HLCS: variants seen among roughly 807,000 people sequenced by gnomAD.
HLCS encodes biotin--protein ligase.
In HLCS, 53 loss-of-function variants were observed where a neutral mutation model predicts 75.0. That is an observed-to-expected ratio of 0.71 (90% confidence interval 0.57 to 0.89). HLCS has a LOEUF of 0.89. HLCS is among the 40% of genes least tolerant of loss of function. HLCS has a pLI of 0.00. For synonymous variants in HLCS, 431 were observed against 428.6 expected (o/e 1.01, Z -0.07); for missense variants, 966 against 1,074.0 (o/e 0.90, Z 1.41).
In HLCS at chr21:36,751,601, C is replaced by G. The variant is rs2089366757; in HGVS notation, c.*2645G>C. On this transcript the variant is annotated 3_prime_UTR_variant, in exon 11 of 11. Transcript: ENST00000674895. ...TTGCTCTCACATCAGGCAACGTCAGCCTGCTGCAGTGAAACTCAACCACGA... is the reference window on the plus strand; with the variant it reads ...TTGCTCTCACATCAGGCAACGTCAGGCTGCTGCAGTGAAACTCAACCACGA... 6.6e-6 allele frequency: 1 copy of G among 152,404 alleles called. No homozygotes were observed. The highest frequency in any genetic ancestry group is 6.5e-5 in the Admixed American group (1 of 15,298). The allele number at this position is 152,404 out of a possible 1,614,324, so 9.4% of individuals were successfully genotyped here.
At chr21:36,839,300 G>A (rs1423038536) in intron 6 of HLCS, among the ~76,000 whole-genome samples, 2 of 152,190 alleles carry the variant, frequency 1.3e-5, no homozygotes, top group Non-Finnish European at 2.9e-5. Flanking sequence ...CAACGTGAAT[G>A]GCTCACTTTC....
At chr21:36,989,155 G>A (rs1372918769) in intron 1 of HLCS, among the ~76,000 whole-genome samples, 1 of 151,556 alleles carries the variant, frequency 6.6e-6, no homozygotes, top group East Asian at 1.9e-4. Flanking sequence ...TCCCACCTCA[G>A]CCTCCGGAGT....
At position 36,754,341 on chromosome 21, in the gene HLCS, G is replaced by C; in HGVS notation, c.2527C>G (p.Gln843Glu). 6.2e-7 allele frequency: 1 copy of C among 1,614,014 alleles called. No individual in the cohort carries two copies. The highest frequency in any genetic ancestry group is 8.5e-7 in the Non-Finnish European group (1 of 1,179,988). ...ACCTCGCCGCCCTCCTGGTGAACCT[G>C]GAGGAAGCCAGAATCGTCCAGGCCA... is the stretch of plus-strand genomic sequence containing the variant. ...IVGLDDSGFL[Q>E]VHQEGGEVVT... is the part of the protein sequence containing the mutation. Residue 843 changes from glutamine (Q) to glutamate (E), a missense_variant, in exon 11 of 11, where the codon CAG becomes GAG. Coordinates refer to ENST00000674895, the MANE Select transcript of HLCS (RefSeq NM_001352514.2).
At chr21:36,956,496 A>AGAGG (rs1190452000) in intron 2 of HLCS, among the ~76,000 whole-genome samples, 30 of 152,182 alleles carry the variant, frequency 2.0e-4, no homozygotes, top group Non-Finnish European at 1.5e-4. Context: ...TGGGAGGCCG[A>AGAGG]GGTGGGCAAA....
chr21:36,819,195 T>C (rs567537582), intron 6 of HLCS, among the ~76,000 whole-genome samples: 1 of 152,300 alleles, frequency 6.6e-6, no homozygotes, highest in East Asian at 1.9e-4. Context: ...TAGACTCAGA[T>C]TGCCACCTGG....
intron 5 of HLCS, among the ~76,000 whole-genome samples, chr21:36,911,748 C>CAAAAA (rs11287408): frequency 6.3e-5 from 3 of 47,832 alleles, no homozygotes; most frequent in African/African-American, 9.2e-5. Flanking sequence ...GACTCCGTCT[C>CAAAAA]AAAAAAAAAA....
At chr21:36,756,895 C>T in intron 9 of HLCS, 140 bp from the exon 10 acceptor site, 6 of 1,525,716 alleles carry the variant, frequency 3.9e-6, no homozygotes, top group Non-Finnish European at 5.3e-6. Context: ...TCTCTAACCA[C>T]TTGAAGAGTG....
chr21:36,775,348 C>A (rs545409313), intron 6 of HLCS, among the ~76,000 whole-genome samples: 50 of 152,344 alleles, frequency 3.3e-4, no homozygotes, highest in African/African-American at 1.2e-3. Flanking sequence ...TCTGTATTAT[C>A]CAATCAAAGT....
chr21:36,975,468 C>T (rs1016626659), intron 1 of HLCS, among the ~76,000 whole-genome samples: 3 of 152,142 alleles, frequency 2.0e-5, no homozygotes, highest in Non-Finnish European at 4.4e-5. Flanking sequence ...ACTTGACTGC[C>T]TAAAGCACAG....
rs115693033 is a variant in HLCS at position 36,841,462 on chromosome 21, G to A, written c.1892+55398C>T. Among the ~76,000 whole-genome samples the A allele has an allele frequency of 2.3e-3, 356 of 152,334 alleles. 4 individuals are homozygous for A. The highest frequency in any genetic ancestry group is 8.3e-3 in the African/African-American group (343 of 41,564). On this transcript the variant is annotated intron_variant, in intron 6 of 10. Transcript: ENST00000674895. ...GTGAGGTCTGTGTAAAGGATAGGAC[G>A]ATGGCCTCTGCCACGTGATCTAGAA...
chr21:36,954,892 T>C (rs896538297), intron 2 of HLCS, among the ~76,000 whole-genome samples: 8 of 151,314 alleles, frequency 5.3e-5, no homozygotes, highest in Non-Finnish European at 7.4e-5. Flanking sequence ...TGAAACCTCA[T>C]CTCTGCTAAA....
chr21:36,902,158 A>T (rs2065262276), intron 5 of HLCS, among the ~76,000 whole-genome samples: 1 of 152,158 alleles, frequency 6.6e-6, no homozygotes, highest in African/African-American at 2.4e-5. Flanking sequence ...GTGAAAAGAG[A>T]AAAACTGCAG....
At chr21:36,810,088 C>T (rs1208599419) in intron 6 of HLCS, among the ~76,000 whole-genome samples, 4 of 152,214 alleles carry the variant, frequency 2.6e-5, no homozygotes, top group African/African-American at 4.8e-5. Flanking sequence ...GTGTGACTCT[C>T]CATATCTGCT....
chr21:36,839,453 T>G (rs969102065), intron 6 of HLCS, among the ~76,000 whole-genome samples: 2 of 152,220 alleles, frequency 1.3e-5, no homozygotes, highest in Admixed American at 1.3e-4. Context: ...TTTCTAGATA[T>G]AAACATAAGT....
chr21:36,840,532 C>T (rs1013725278), intron 6 of HLCS, among the ~76,000 whole-genome samples: 3 of 152,244 alleles, frequency 2.0e-5, no homozygotes, highest in East Asian at 3.9e-4. Flanking sequence ...TAAGTAGTGA[C>T]ATATCGTCAT....
rs61732507 is a variant in HLCS at position 36,756,631 on chromosome 21, G to A, written c.2361C>T (p.Val787=). 8.5e-3 allele frequency: 13,765 copies of A among 1,614,062 alleles called. 151 individuals are homozygous for A. The highest frequency in any genetic ancestry group is 0.05 in the African/African-American group (3,773 of 74,982). The change falls in exon 10 of 11, where the codon GTC becomes GTT. Residue 787 remains valine (V), a synonymous_variant. Transcript: ENST00000674895. ...TGATCAGTTTCTCCAGCACAGTCAC[G>A]ACTCTGGCGATGAGATAATCGGCTC... The part of the protein sequence containing the change: ...PLRADYLIAR[V]VTVLEKLIKE...
At chr21:36,813,709 C>T (rs1202470678) in intron 6 of HLCS, among the ~76,000 whole-genome samples, 1 of 152,132 alleles carries the variant, frequency 6.6e-6, no homozygotes, top group East Asian at 1.9e-4. Flanking sequence ...AATGTTGAAA[C>T]CTTAAATCTG....
In HLCS at chr21:36,962,177, A is replaced by C. The variant is rs750612010; in HGVS notation, c.196-7T>G. ...TGTTCAAGTCTTCAATGGACTGTATAGAGGGAAAGAAATATAATGAGATTG... is the reference window on the plus strand; with the variant it reads ...TGTTCAAGTCTTCAATGGACTGTATCGAGGGAAAGAAATATAATGAGATTG... On this transcript the variant is annotated splice_polypyrimidine_tract_variant and splice_region_variant and intron_variant, in intron 1 of 10. Coordinates refer to ENST00000674895, the MANE Select transcript of HLCS (RefSeq NM_001352514.2). 18 of 1,284,988 alleles carry C rather than the reference A, an allele frequency of 1.4e-5. No individual in the cohort carries two copies. The highest frequency in any genetic ancestry group is 2.1e-4 in the Middle Eastern group (1 of 4,702). The allele number at this position is 1,284,988 out of a possible 1,614,324, so 79.6% of individuals were successfully genotyped here.
chr21:36,790,859 G>A (rs1008810447), intron 6 of HLCS, among the ~76,000 whole-genome samples: 7 of 152,242 alleles, frequency 4.6e-5, no homozygotes, highest in East Asian at 1.9e-4. Flanking sequence ...TGTTCTCTCC[G>A]TGGAAAAAAA....
Sources: gnomAD v4.1 joint callset for allele counts (sites outside exome capture counted in the v4.1 genomes callset) on GRCh38, gnomAD v4.1.1 for gene constraint, MANE v1.5 for transcripts, NCBI Gene and HGNC (gene_info 2026-07-23, HGNC 2026-07-21) for gene names.